USP46: variants seen among roughly 807,000 people sequenced by gnomAD.
USP46 encodes the protein ubiquitin carboxyl-terminal hydrolase 46.
A neutral mutation model predicts 44.4 loss-of-function variants in USP46; 12 were observed. The ratio of observed to expected loss-of-function variants is 0.27; its 90% confidence interval spans 0.17 to 0.44. USP46 has a LOEUF of 0.44. USP46 is among the 20% of genes least tolerant of loss of function. The pLI, the probability that USP46 is intolerant of heterozygous loss-of-function variation, is 1.00. For missense variants in USP46, 248 were observed against 444.8 expected (o/e 0.56, Z 3.98); for synonymous variants, 155 against 161.5 (o/e 0.96, Z 0.31).
intron 1 of USP46, 52 bp from the exon 2 acceptor site, chr4:52,631,196 T>A: frequency 7.2e-7 from 1 of 1,397,196 alleles, no homozygotes; most frequent in Non-Finnish European, 9.9e-7. Flanking sequence ...AGACAAAAAG[T>A]AAAATCATAC....
chr4:52,609,713 T>A (rs962627839), intron 5 of USP46, among the ~76,000 whole-genome samples: 7 of 151,978 alleles, frequency 4.6e-5, no homozygotes, highest in Non-Finnish European at 1.0e-4. Context: ...GATATCAGCC[T>A]GCACAGTGCA....
chr4:52,643,899 C>G (rs1187995819), intron 1 of USP46, among the ~76,000 whole-genome samples: 2 of 152,258 alleles, frequency 1.3e-5, no homozygotes, highest in Non-Finnish European at 2.9e-5. Flanking sequence ...GGACCACAAG[C>G]CAGGAGAGGA....
intron 1 of USP46, among the ~76,000 whole-genome samples, chr4:52,652,843 T>G (rs1318195898): frequency 6.6e-6 from 1 of 151,998 alleles, no homozygotes; most frequent in African/African-American, 2.4e-5. Flanking sequence ...CTTCACTGGG[T>G]GGGGAGTACA....
chr4:52,658,249 C>T (rs1320671992), intron 1 of USP46: 1 of 456,012 alleles, frequency 2.2e-6, no homozygotes, highest in Non-Finnish European at 4.4e-6. Flanking sequence ...CCAGCAGGGT[C>T]CAGCCTGGGG....
intron 1 of USP46, among the ~76,000 whole-genome samples, chr4:52,638,427 C>T (rs1218126088): frequency 6.6e-6 from 1 of 151,996 alleles, no homozygotes; most frequent in Non-Finnish European, 1.5e-5. Context: ...GGCTTGTGAC[C>T]TCCAGAACTG....
intron 1 of USP46, among the ~76,000 whole-genome samples, chr4:52,641,569 C>T (rs980968487): frequency 2.2e-4 from 33 of 152,096 alleles, no homozygotes; most frequent in South Asian, 6.2e-4. Flanking sequence ...ATGAAGACGG[C>T]CTTGCCCAGA....
intron 6 of USP46, among the ~76,000 whole-genome samples, chr4:52,602,674 G>A (rs1373658089): frequency 6.6e-6 from 1 of 152,216 alleles, no homozygotes; most frequent in African/African-American, 2.4e-5. Context: ...CTGGGCTCAG[G>A]AGAGCACTGG....
At position 52,591,927 on chromosome 4, in the gene USP46, G is replaced by C. The variant is rs754902024; in HGVS notation, c.*5713C>G. On this transcript the variant is annotated 3_prime_UTR_variant, in exon 9 of 9. Transcript: ENST00000441222. ...CTTTTAACATGAGAAGAGGCAAAAC[G>C]TGAAGTTCATTGTTGCAACATAATC... 1 of 152,190 alleles carries C rather than the reference G, an allele frequency of 6.6e-6. No individual in the cohort carries two copies. Among genetic ancestry groups the C allele is most frequent in the African/African-American group, 2.4e-5 (1 of 41,452 alleles). The allele number at this position is 152,190 out of a possible 1,614,324, so 9.4% of individuals were successfully genotyped here. A position where few individuals can be genotyped will look rare whatever the true frequency, so the allele number is the denominator to read the frequency against.
At position 52,592,484 on chromosome 4, in the gene USP46, T is replaced by C. The variant is rs1251577953; in HGVS notation, c.*5156A>G. ...GGCCTGGTGGGAGGTGATTGCATCA[T>C]AGGTGGTTAAGCACCATCCCCCTAG... On this transcript the variant is annotated 3_prime_UTR_variant, in exon 9 of 9. Coordinates refer to ENST00000441222, the MANE Select transcript of USP46 (RefSeq NM_022832.4). 1.8e-5 allele frequency: 3 copies of C among 162,508 alleles called. No individual in the cohort carries two copies. Among genetic ancestry groups the C allele is most frequent in the East Asian group, 1.7e-4 (1 of 6,000 alleles). 10.1% of individuals were successfully genotyped at this position (162,508 alleles called of 1,614,324 possible).
intron 1 of USP46, among the ~76,000 whole-genome samples, chr4:52,648,756 AC>A (rs2109664303): frequency 6.6e-6 from 1 of 152,290 alleles, no homozygotes; most frequent in Non-Finnish European, 1.5e-5. Context: ...AGGCAGGGAA[AC>A]CCAGTTCCTG....
intron 4 of USP46, among the ~76,000 whole-genome samples, chr4:52,621,187 T>C (rs141558246): frequency 1.0e-3 from 153 of 152,278 alleles, no homozygotes; most frequent in African/African-American, 3.7e-3. Context: ...AGAATGTTGA[T>C]AGCAAAACCA....
At chr4:52,604,264 ATGAC>A (rs1716590854) in intron 6 of USP46, among the ~76,000 whole-genome samples, 3 of 152,222 alleles carry the variant, frequency 2.0e-5, no homozygotes, top group African/African-American at 7.2e-5. Flanking sequence ...TATTTGCTGA[ATGAC>A]TGAATGAATA....
At chr4:52,619,561 T>G (rs1717301246) in intron 4 of USP46, among the ~76,000 whole-genome samples, 1 of 152,252 alleles carries the variant, frequency 6.6e-6, no homozygotes, top group South Asian at 2.1e-4. Flanking sequence ...AGAGGCTCCC[T>G]GTTTTTCATC....
At chr4:52,604,369 A>G in intron 6 of USP46, 132 bp downstream of exon 6, 1 of 695,856 alleles carries the variant, frequency 1.4e-6, no homozygotes, top group Non-Finnish European at 2.5e-6. Flanking sequence ...TGAGGAGGAT[A>G]ACTGACTTCC....
At chr4:52,621,141 G>A (rs1717358909) in intron 4 of USP46, among the ~76,000 whole-genome samples, 1 of 152,126 alleles carries the variant, frequency 6.6e-6, no homozygotes, top group East Asian at 1.9e-4. Context: ...AAAACTTATA[G>A]AAGCTCTTCC....
In USP46 at chr4:52,594,423, T is replaced by A. The variant is rs1716145619; in HGVS notation, c.*3217A>T. 1 of 152,200 alleles carries A rather than the reference T, an allele frequency of 6.6e-6. No homozygotes were observed. Among genetic ancestry groups the A allele is most frequent in the Non-Finnish European group, 1.5e-5 (1 of 68,036 alleles). The allele number at this position is 152,200 out of a possible 1,614,324, so 9.4% of individuals were successfully genotyped here. ...GGAAGCCAAAAATAAATTAATGTAA[T>A]ACTGGAAAACAGAAATTTAATTAGG... is the stretch of plus-strand genomic sequence containing the variant. On this transcript the variant is annotated 3_prime_UTR_variant, in exon 9 of 9. Transcript: ENST00000441222.
chr4:52,595,279 A>C lies in USP46; in HGVS notation c.*2361T>G, dbSNP rs1259085786. On this transcript the variant is annotated 3_prime_UTR_variant, in exon 9 of 9. Transcript: ENST00000441222. ...GTTTGCATGTTACTGTCTTTACATAAAGAGACATGATTGGGAGAAACCTGC... is the reference window on the plus strand; with the variant it reads ...GTTTGCATGTTACTGTCTTTACATACAGAGACATGATTGGGAGAAACCTGC... 6.6e-6 allele frequency: 1 copy of C among 152,660 alleles called. No individual in the cohort carries two copies. Among genetic ancestry groups the C allele is most frequent in the Non-Finnish European group, 1.5e-5 (1 of 68,044 alleles). The allele number at this position is 152,660 out of a possible 1,614,324, so 9.5% of individuals were successfully genotyped here. A position where few individuals can be genotyped will look rare whatever the true frequency, so the allele number is the denominator to read the frequency against.
intron 1 of USP46, among the ~76,000 whole-genome samples, chr4:52,644,104 C>T (rs1024593037): frequency 2.0e-5 from 3 of 152,150 alleles, no homozygotes; most frequent in Non-Finnish European, 2.9e-5. Context: ...GAGCCCCTGT[C>T]CCACTGAGCA....
In USP46 at chr4:52,594,061, A is replaced by G. The variant is rs186283254; in HGVS notation, c.*3579T>C. On this transcript the variant is annotated 3_prime_UTR_variant, in exon 9 of 9. Coordinates refer to ENST00000441222, the MANE Select transcript of USP46 (RefSeq NM_022832.4). ...TTCTGTACATTTCCACTGCTTCAAAATTGTTTGTAATAATTACTTGGACAT... is the reference window on the plus strand; with the variant it reads ...TTCTGTACATTTCCACTGCTTCAAAGTTGTTTGTAATAATTACTTGGACAT... 7 of 152,294 alleles carry G rather than the reference A, an allele frequency of 4.6e-5. No individual in the cohort carries two copies. The East Asian group carries it at 1.3e-3, about 29-fold the overall frequency. The allele number at this position is 152,294 out of a possible 1,614,324, so 9.4% of individuals were successfully genotyped here.
Sources: allele counts gnomAD v4.1 joint callset (sites outside exome capture counted in the v4.1 genomes callset), GRCh38; gene constraint gnomAD v4.1.1; transcripts MANE v1.5; gene names NCBI Gene and HGNC (gene_info 2026-07-23, HGNC 2026-07-21).